Variants in FSHR observed in about 807,000 individuals in gnomAD.
The protein encoded by FSHR is follicle stimulating hormone receptor, also known as follicle-stimulating hormone receptor.
Under a neutral mutation model 52.1 loss-of-function variants are expected in FSHR, and 46 were observed. The observed-to-expected ratio is 0.88, with a 90% confidence interval of 0.70 to 1.13. The LOEUF (loss-of-function observed/expected upper bound fraction) is 1.13. Among genes scored for constraint, FSHR ranks in the 50% most tolerant of loss-of-function variants. The pLI is 0.00. For synonymous variants in FSHR, 399 were observed against 309.6 expected (o/e 1.29, Z -3.03); for missense variants, 964 against 834.6 (o/e 1.16, Z -1.91).
intron 1 of FSHR, among the ~76,000 whole-genome samples, chr2:49,106,295 C>T (rs10166903): frequency 3.4e-4 from 51 of 151,914 alleles, no homozygotes; most frequent in African/African-American, 8.2e-4. Flanking sequence ...ACTATATCAG[C>T]GATGTCTCTG....
intron 2 of FSHR, among the ~76,000 whole-genome samples, chr2:49,029,417 G>A (rs1248418901): frequency 6.6e-6 from 1 of 152,184 alleles, no homozygotes; most frequent in Non-Finnish European, 1.5e-5. Flanking sequence ...AGGGTGTTAA[G>A]GTTAAGAAAT....
intron 1 of FSHR, among the ~76,000 whole-genome samples, chr2:49,073,751 A>C (rs1387932107): frequency 6.6e-6 from 1 of 152,138 alleles, no homozygotes; most frequent in East Asian, 1.9e-4. Context: ...AGCAAAAAGA[A>C]CAAAATTATA....
intron 1 of FSHR, among the ~76,000 whole-genome samples, chr2:49,096,840 G>A (rs933632585): frequency 1.3e-5 from 2 of 152,120 alleles, no homozygotes; most frequent in African/African-American, 4.8e-5. Context: ...TAGTGAGTAA[G>A]TTCTCATGAG....
At chr2:49,090,665 GT>G (rs1670569033) in intron 1 of FSHR, among the ~76,000 whole-genome samples, 2 of 152,178 alleles carry the variant, frequency 1.3e-5, no homozygotes. Context: ...TGATAAATAT[GT>G]TTGACTACAT....
rs891574113 is a variant in FSHR, at chr2:49,135,505, GA to G, written c.152+18760del. ...TTTATAGCTATAAATAGCTGTATTT[GA>G]AAAAAATATTTCAAATTAATAACCC... is the stretch of plus-strand genomic sequence containing the variant. On this transcript the variant is annotated intron_variant, in intron 1 of 9. Coordinates refer to ENST00000406846, the MANE Select transcript of FSHR (RefSeq NM_000145.4). 5.3e-5 allele frequency among the ~76,000 whole-genome samples: 8 copies of G among 152,114 alleles called. No individual in the cohort carries two copies. In the East Asian group the frequency reaches 7.7e-4, roughly 15 times the overall value.
In FSHR at chr2:48,963,822, A is replaced by G; in HGVS notation, c.999T>C (p.Phe333=). 6.2e-7 allele frequency: 1 copy of G among 1,614,166 alleles called. No individual in the cohort carries two copies. The highest frequency in any genetic ancestry group is 8.5e-7 in the Non-Finnish European group (1 of 1,180,012). Residue 333 remains phenylalanine, a synonymous_variant, in exon 10 of 10, where the codon TTT becomes TTC. Coordinates refer to ENST00000406846, the MANE Select transcript of FSHR (RefSeq NM_000145.4). The part of the protein sequence containing the change: ...SRGFDMTYTE[F]DYDLCNEVVD... ...CCACTTCATTGCATAAGTCATAGTCAAACTCAGTGTACGTCATGTCAAATC... is the reference window on the plus strand; with the variant it reads ...CCACTTCATTGCATAAGTCATAGTCGAACTCAGTGTACGTCATGTCAAATC...
rs2104007732 is a variant in FSHR at position 48,968,646 on chromosome 2, C to A, written c.854+52G>T. The A allele has an allele frequency of 2.5e-6, 4 of 1,588,572 alleles. 1 individual carries two copies. The East Asian group carries it at 6.7e-5, about 27-fold the overall frequency. Reference sequence around the variant, plus strand: ...GTCACAGATAGGTAGAAATTGTGGACAAAGTTCTACATTGGGGAAATGCCT... The same window carrying A: ...GTCACAGATAGGTAGAAATTGTGGAAAAAGTTCTACATTGGGGAAATGCCT... On this transcript the variant is annotated intron_variant, in intron 9 of 9. Transcript: ENST00000406846.
intron 2 of FSHR, among the ~76,000 whole-genome samples, chr2:49,045,619 A>C (rs756733350): frequency 7.5e-4 from 114 of 152,314 alleles, no homozygotes; most frequent in Non-Finnish European, 1.3e-3. Flanking sequence ...TTCTTTAAAA[A>C]AATGTTTTGC....
chr2:49,073,359 AG>A (rs1445468397), intron 1 of FSHR, among the ~76,000 whole-genome samples: 1 of 152,108 alleles, frequency 6.6e-6, no homozygotes, highest in African/African-American at 2.4e-5. Context: ...AATTAAGTAA[AG>A]TTGTGGGATA....
intron 2 of FSHR, among the ~76,000 whole-genome samples, chr2:49,067,842 A>G (rs1669565255): frequency 1.3e-5 from 2 of 152,040 alleles, no homozygotes; most frequent in South Asian, 4.2e-4. Flanking sequence ...TACAGCATAG[A>G]TGTTAAGTCC....
At chr2:49,143,262 A>G (rs1292577522) in intron 1 of FSHR, among the ~76,000 whole-genome samples, 1 of 152,158 alleles carries the variant, frequency 6.6e-6, no homozygotes, top group Non-Finnish European at 1.5e-5. Context: ...CAGACACTGA[A>G]AGTCAAAAAA....
At chr2:49,101,509 G>C (rs1267365250) in intron 1 of FSHR, among the ~76,000 whole-genome samples, 1 of 152,044 alleles carries the variant, frequency 6.6e-6, no homozygotes, top group Admixed American at 6.6e-5. Context: ...AAAATGAAGA[G>C]AGAAAGATTA....
intron 1 of FSHR, among the ~76,000 whole-genome samples, chr2:49,126,325 G>GA (rs35719941): frequency 0.95 from 142,908 of 150,906 alleles, 67,715 homozygotes; most frequent in East Asian, 1. Flanking sequence ...AAAAGGAAGA[G>GA]GGGGGGAGAG....
intron 1 of FSHR, among the ~76,000 whole-genome samples, chr2:49,100,871 A>G (rs909448851): frequency 4.6e-5 from 7 of 152,232 alleles, no homozygotes; most frequent in African/African-American, 7.2e-5. Context: ...GGAAGGGACC[A>G]GGGAAGAAAA....
At chr2:49,107,202 T>C (rs756463452) in intron 1 of FSHR, among the ~76,000 whole-genome samples, 1 of 152,150 alleles carries the variant, frequency 6.6e-6, no homozygotes, top group Non-Finnish European at 1.5e-5. Flanking sequence ...GATTGCACTA[T>C]TTTATTCTTA....
At chr2:49,138,951 A>T (rs147140198) in intron 1 of FSHR, among the ~76,000 whole-genome samples, 8 of 152,250 alleles carry the variant, frequency 5.3e-5, no homozygotes, top group Non-Finnish European at 8.8e-5. Context: ...GGGGTATGAG[A>T]TAAAGGTGGT....
In FSHR at chr2:48,963,609, C is replaced by A. The variant is rs771401071; in HGVS notation, c.1212G>T (p.Leu404=). The part of the protein sequence containing the change: ...LTVPRFLMCN[L]AFADLCIGIY... The stretch of plus-strand genomic sequence containing the variant: ...TTCCAATGCAGAGATCAGCAAAGGC[C>A]AGGTTGCACATAAGGAACCTGGGGA... Residue 404 remains leucine, a synonymous_variant, in exon 10 of 10, where the codon CTG becomes CTT. Coordinates refer to ENST00000406846, the MANE Select transcript of FSHR (RefSeq NM_000145.4). 1 of 1,614,014 alleles carries A rather than the reference C, an allele frequency of 6.2e-7. No individual in the cohort carries two copies. The highest frequency in any genetic ancestry group is 8.5e-7 in the Non-Finnish European group (1 of 1,180,026).
chr2:49,069,469 C>T (rs894779677), intron 1 of FSHR, among the ~76,000 whole-genome samples: 2 of 152,190 alleles, frequency 1.3e-5, no homozygotes, highest in African/African-American at 4.8e-5. Context: ...TTTAATTTTT[C>T]TTCATAGCAA....
chr2:48,982,422 C>T (rs1356114902), intron 8 of FSHR, among the ~76,000 whole-genome samples: 1 of 152,160 alleles, frequency 6.6e-6, no homozygotes, highest in Non-Finnish European at 1.5e-5. Flanking sequence ...TTGAAGGAAC[C>T]TCCTGAGTGT....
Sources: allele counts gnomAD v4.1 joint callset (sites outside exome capture counted in the v4.1 genomes callset), GRCh38; gene constraint gnomAD v4.1.1; transcripts MANE v1.5; gene names NCBI Gene and HGNC (gene_info 2026-07-23, HGNC 2026-07-21).